PRR27: variants seen among roughly 807,000 people sequenced by gnomAD.
The protein encoded by PRR27 is proline rich 27.
PRR27 carries 12 observed loss-of-function variants against 16.8 expected under a neutral mutation model. The observed-to-expected ratio is 0.71, with a 90% confidence interval of 0.46 to 1.16. PRR27 has a LOEUF of 1.16. Ranked by LOEUF, PRR27 falls within the 50% of genes most tolerant of loss-of-function variation. The probability of loss-of-function intolerance (pLI) is 0.00; values close to 1 mark genes in which losing one functional copy is unlikely to be tolerated. For synonymous variants in PRR27, 100 were observed against 98.4 expected (o/e 1.02, Z -0.10); for missense variants, 277 against 273.3 (o/e 1.01, Z -0.10).
intron 2 of PRR27, among the ~76,000 whole-genome samples, chr4:70,158,027 A>T (rs1728529581): frequency 6.6e-6 from 1 of 152,222 alleles, no homozygotes; most frequent in Admixed American, 6.5e-5. Flanking sequence ...TATCAATCCT[A>T]AAAGTGCGAG....
rs977569604 is a variant in PRR27 at position 70,154,825 on chromosome 4, G to A, written c.51+399G>A. ...GTACAGACATTAGGGATACTTGATG[G>A]AATAGAAGTAAATGCACATCATACC... On this transcript the variant is annotated intron_variant, in intron 1 of 4. Transcript: ENST00000344526. 9 of 1,214,100 alleles carry A rather than the reference G, an allele frequency of 7.4e-6. No homozygotes were observed. The African/African-American group carries it at 1.2e-4, about 17-fold the overall frequency. 75.2% of individuals were successfully genotyped at this position (1,214,100 alleles called of 1,614,324 possible). A position where few individuals can be genotyped will look rare whatever the true frequency, so the allele number is the denominator to read the frequency against.
At position 70,158,818 on chromosome 4, in the gene PRR27, C is replaced by T; in HGVS notation, c.566C>T (p.Ala189Val). The change falls in exon 3 of 5, where the codon GCT becomes GTT. Residue 189 changes from alanine to valine, a missense_variant. Transcript: ENST00000344526. ...AAEAPVGVEPAAEEPSPAEPA... is the reference protein window; with the variant it reads ...AAEAPVGVEPVAEEPSPAEPA... Reference sequence around the variant, plus strand: ...GAGGCACCTGTTGGAGTGGAGCCAGCTGCAGAGGAACCTTCACCAGCTGAG... The same window carrying T: ...GAGGCACCTGTTGGAGTGGAGCCAGTTGCAGAGGAACCTTCACCAGCTGAG... 1 of 1,613,998 alleles carries T rather than the reference C, an allele frequency of 6.2e-7. No homozygotes were observed. The highest frequency in any genetic ancestry group is 8.5e-7 in the Non-Finnish European group (1 of 1,179,960).
In PRR27 at chr4:70,164,971, CT is replaced by C. The variant is rs1482439971; in HGVS notation, c.*2311del. The C allele has an allele frequency of 6.6e-6, 1 of 152,082 alleles. No homozygotes were observed. Among genetic ancestry groups the C allele is most frequent in the Admixed American group, 6.5e-5 (1 of 15,270 alleles). The allele number at this position is 152,082 out of a possible 1,614,324, so 9.4% of individuals were successfully genotyped here. A position where few individuals can be genotyped will look rare whatever the true frequency, so the allele number is the denominator to read the frequency against. ...CAGTTTTTGCTTTTACTACAAGATA[CT>C]GTGAAATGTTCTGCTCTGTCAGTTG... On this transcript the variant is annotated 3_prime_UTR_variant, in exon 5 of 5. Transcript: ENST00000344526.
rs1198752042 is a variant in PRR27 at position 70,162,487 on chromosome 4, C to G, written c.*34-208C>G. ...TGAACAATTGGCTAGTGAATTAGTT[C>G]AAGATATTAGATACACATAATAGTT... On this transcript the variant is annotated intron_variant, in intron 4 of 4. Coordinates refer to ENST00000344526, the MANE Select transcript of PRR27 (RefSeq NM_214711.4). Among the ~76,000 whole-genome samples the G allele has an allele frequency of 2.0e-5, 3 of 151,454 alleles. No homozygotes were observed. The East Asian group carries it at 5.8e-4, about 30-fold the overall frequency.
chr4:70,154,563 A>G (rs1728434223), intron 1 of PRR27, 137 bp downstream of exon 1: 5 of 858,114 alleles, frequency 5.8e-6, no homozygotes, highest in Middle Eastern at 2.6e-4. Context: ...TGAGATTTGT[A>G]GTGTCAGACT....
At chr4:70,160,441 C>CTGTG (rs1349628920) in intron 3 of PRR27, among the ~76,000 whole-genome samples, 59 of 87,496 alleles carry the variant, frequency 6.7e-4, no homozygotes, top group African/African-American at 2.2e-3. Flanking sequence ...CTCTCTCTCT[C>CTGTG]TCTGTGTGTG....
At position 70,160,435 on chromosome 4, in the gene PRR27, C is replaced by CTGTGTGTGTG. The variant is rs1182486828; in HGVS notation, c.649-1150_649-1149insGTGTGTGTGT. ...TCTCTCTCTCTCTCTCTCTCTCTCTCTCTCTCTCTGTGTGTGTGTGTGTGT... is the reference window on the plus strand; with the variant it reads ...TCTCTCTCTCTCTCTCTCTCTCTCTCTGTGTGTGTGTCTCTCTCTGTGTGTGTGTGTGTGT... On this transcript the variant is annotated intron_variant, in intron 3 of 4. Transcript: ENST00000344526. Among the ~76,000 whole-genome samples the CTGTGTGTGTG allele has an allele frequency of 5.5e-3, 175 of 32,032 alleles. 1 individual carries two copies. The highest frequency in any genetic ancestry group is 0.053 in the East Asian group (23 of 430). 21.0% of individuals were successfully genotyped at this position (32,032 alleles called of 152,430 possible). A position where few individuals can be genotyped will look rare whatever the true frequency, so the allele number is the denominator to read the frequency against.
Position 70,154,367 on chromosome 4 carries a change from T to C in PRR27, c.-9T>C. 6.2e-7 allele frequency: 1 copy of C among 1,604,564 alleles called. No individual in the cohort carries two copies. Among genetic ancestry groups the C allele is most frequent in the Admixed American group, 1.7e-5 (1 of 59,992 alleles). ...ATTTATAGTGTTAATATTCATAGGGTCAATCAAAATGAAGCTTCTCCTTTG... is the reference window on the plus strand; with the variant it reads ...ATTTATAGTGTTAATATTCATAGGGCCAATCAAAATGAAGCTTCTCCTTTG... On this transcript the variant is annotated 5_prime_UTR_variant, in exon 1 of 5. Transcript: ENST00000344526.
intron 1 of PRR27, among the ~76,000 whole-genome samples, 195 bp from the exon 2 acceptor site, chr4:70,155,859 G>A (rs1011378778): frequency 4.6e-5 from 7 of 152,088 alleles, no homozygotes; most frequent in African/African-American, 1.7e-4. Flanking sequence ...AACTCCCTGA[G>A]GAAATTGTTT....
At chr4:70,155,677 A>G (rs1728459965) in intron 1 of PRR27, among the ~76,000 whole-genome samples, 1 of 137,716 alleles carries the variant, frequency 7.3e-6, no homozygotes, top group African/African-American at 2.6e-5. Flanking sequence ...CAAAGGCCAC[A>G]CTTTAACACA....
chr4:70,155,370 G>GTT (rs113912464), intron 1 of PRR27, among the ~76,000 whole-genome samples: 5,903 of 143,346 alleles, frequency 0.041, 201 homozygotes, highest in South Asian at 0.094. Context: ...TATGTTTGTG[G>GTT]TTTTTTTTTT....
rs1329906596 is a variant in PRR27, at chr4:70,164,864, A to G, written c.*2203A>G. The G allele has an allele frequency of 6.6e-6, 1 of 152,102 alleles. No individual in the cohort carries two copies. 9.4% of individuals were successfully genotyped at this position (152,102 alleles called of 1,614,324 possible). On this transcript the variant is annotated 3_prime_UTR_variant, in exon 5 of 5. Coordinates refer to ENST00000344526, the MANE Select transcript of PRR27 (RefSeq NM_214711.4). ...AATGTAGTCATTTGTTAAGTTTTTC[A>G]TGGGGTAAAAGAAAGAATTTATTCC...
chr4:70,160,431 C>G (rs1278689818), intron 3 of PRR27, among the ~76,000 whole-genome samples: 9 of 58,696 alleles, frequency 1.5e-4, no homozygotes, highest in African/African-American at 1.8e-4. Context: ...CTCTCTCTCT[C>G]TCTCTCTCTC....
Position 70,158,340 on chromosome 4 carries a change from G to A in PRR27, c.88G>A (p.Asp30Asn), listed in dbSNP as rs746412473. 32 of 1,599,914 alleles carry A rather than the reference G, an allele frequency of 2.0e-5. No homozygotes were observed. The highest frequency in any genetic ancestry group is 1.8e-4 in the Admixed American group (11 of 59,786). Residue 30 changes from aspartate (D) to asparagine (N), a missense_variant, in exon 3 of 5, where the codon GAT (aspartate) becomes AAT (asparagine). Physicochemically the swap from Asp to Asn is conservative, Grantham distance 23 (BLOSUM62 1). Transcript: ENST00000344526. The part of the protein sequence containing the change: ...FPFIGEDDND[D>N]GHPLHPSLNI... The stretch of plus-strand genomic sequence containing the variant: ...GTTTCTCCTTTAGGATGACAATGAC[G>A]ATGGTCACCCACTTCATCCATCTCT...
In PRR27 at chr4:70,158,901, G is replaced by A. The variant is rs1190387772; in HGVS notation, c.648+1G>A. On this transcript the variant is annotated splice_donor_variant, in intron 3 of 4. Transcript: ENST00000344526. LOFTEE classifies it high-confidence loss of function. ...TCACCCTTCTCCCTCTCTTGAACAG[G>A]TAGGTTGTTTATATCTTACCACTAT... The A allele has an allele frequency of 2.0e-6, 3 of 1,532,110 alleles. No individual in the cohort carries two copies. The highest frequency in any genetic ancestry group is 3.5e-5 in the Admixed American group (2 of 57,160). 94.9% of individuals were successfully genotyped at this position (1,532,110 alleles called of 1,614,324 possible). A position where few individuals can be genotyped will look rare whatever the true frequency, so the allele number is the denominator to read the frequency against.
In PRR27 at chr4:70,154,349, G is replaced by T; in HGVS notation, c.-27G>T. 1 of 1,548,688 alleles carries T rather than the reference G, an allele frequency of 6.5e-7. No homozygotes were observed. Among genetic ancestry groups the T allele is most frequent in the Non-Finnish European group, 8.9e-7 (1 of 1,121,468 alleles). The stretch of plus-strand genomic sequence containing the variant: ...TATTTTCTAAAACAATAAATTTATA[G>T]TGTTAATATTCATAGGGTCAATCAA... On this transcript the variant is annotated 5_prime_UTR_variant, in exon 1 of 5. Transcript: ENST00000344526.
At chr4:70,154,628 A>C in intron 1 of PRR27, 1 of 866,528 alleles carries the variant, frequency 1.2e-6, no homozygotes, top group South Asian at 1.5e-5. Flanking sequence ...CTGAAAATAG[A>C]TAAACAGCAA....
Position 70,154,444 on chromosome 4 carries a change from CA to C in PRR27, c.51+22del. On this transcript the variant is annotated intron_variant, in intron 1 of 4. Coordinates refer to ENST00000344526, the MANE Select transcript of PRR27 (RefSeq NM_214711.4). Reference sequence around the variant, plus strand: ...CAAGGAAGGTAAGTAAATGGACTTCCAAAATTGTAACAATTGTATAACCATT... The same window carrying C: ...CAAGGAAGGTAAGTAAATGGACTTCCAAATTGTAACAATTGTATAACCATT... 1 of 1,592,566 alleles carries C rather than the reference CA, an allele frequency of 6.3e-7. No homozygotes were observed. Among genetic ancestry groups the C allele is most frequent in the Non-Finnish European group, 8.6e-7 (1 of 1,160,822 alleles).
At chr4:70,158,241 C>A in intron 2 of PRR27, 87 bp from the exon 3 acceptor site, 1 of 824,880 alleles carries the variant, frequency 1.2e-6, no homozygotes, top group Non-Finnish European at 1.9e-6. Flanking sequence ...AATATCATTA[C>A]TTATCATATA....
Sources: allele counts gnomAD v4.1 joint callset (sites outside exome capture counted in the v4.1 genomes callset), GRCh38; gene constraint gnomAD v4.1.1; transcripts MANE v1.5; gene names NCBI Gene and HGNC (gene_info 2026-07-23, HGNC 2026-07-21).